CSMD1: variants seen among roughly 807,000 people sequenced by gnomAD.
CSMD1 encodes the protein CUB and Sushi multiple domains 1, also known as CUB and sushi domain-containing protein 1.
CSMD1 carries 213 observed loss-of-function variants against 417.5 expected under a neutral mutation model. The observed-to-expected ratio is 0.51, with a 90% confidence interval of 0.46 to 0.57. The LOEUF is 0.57. Ranked by LOEUF, CSMD1 falls within the 20% of genes least tolerant of loss-of-function variation. The pLI is 0.00. For missense variants in CSMD1, 6,923 were observed against 4,529.7 expected (o/e 1.53, Z -15.17); for synonymous variants, 2,862 against 1,736.8 (o/e 1.65, Z -16.11).
At chr8:3,229,521 A>G (rs1201609692) in intron 27 of CSMD1, among the ~76,000 whole-genome samples, 1 of 152,238 alleles carries the variant, frequency 6.6e-6, no homozygotes, top group Non-Finnish European at 1.5e-5. Flanking sequence ...AGGTCAAACT[A>G]TAAAATGTCA....
chr8:4,185,216 C>T (rs559482799), intron 3 of CSMD1, among the ~76,000 whole-genome samples: 1 of 150,916 alleles, frequency 6.6e-6, no homozygotes, highest in East Asian at 1.9e-4. Context: ...TGAGTACAGG[C>T]TGGGAACCTG....
At chr8:3,141,348 T>C (rs1002401349) in intron 41 of CSMD1, among the ~76,000 whole-genome samples, 1 of 152,226 alleles carries the variant, frequency 6.6e-6, no homozygotes, top group Non-Finnish European at 1.5e-5. Context: ...GCTGTCCTTG[T>C]TCATTCCTGG....
chr8:4,073,826 G>C (rs957514896), intron 3 of CSMD1, among the ~76,000 whole-genome samples: 1 of 151,978 alleles, frequency 6.6e-6, no homozygotes, highest in Non-Finnish European at 1.5e-5. Flanking sequence ...GTTGAAAATT[G>C]CTTTGTTAAT....
intron 2 of CSMD1, among the ~76,000 whole-genome samples, chr8:4,547,382 T>C (rs1797684464): frequency 6.6e-6 from 1 of 152,252 alleles, no homozygotes; most frequent in Non-Finnish European, 1.5e-5. Flanking sequence ...AAATATTACT[T>C]TCTTCTTTTA....
Position 4,760,413 on chromosome 8 carries a change from T to C in CSMD1, c.86-122855A>G, listed in dbSNP as rs377073262. On this transcript the variant is annotated intron_variant, in intron 1 of 69. Transcript: ENST00000635120. ...TTAAAATTCTCAGCTGACTTTATGA[T>C]ACCTTTGTGGCTAGAAGAGTCCATG... Among the ~76,000 whole-genome samples, 15 of 152,296 alleles carry C rather than the reference T, an allele frequency of 9.8e-5. No individual in the cohort carries two copies. In the South Asian group the frequency reaches 2.5e-3, roughly 25 times the overall value.
chr8:3,872,155 C>T (rs768649072), intron 5 of CSMD1, among the ~76,000 whole-genome samples: 57 of 152,052 alleles, frequency 3.7e-4, no homozygotes, highest in Admixed American at 3.5e-3. Flanking sequence ...TGTTTTAACC[C>T]GTGTTTGGAT....
chr8:3,109,405 G>A (rs1204063420), intron 43 of CSMD1, among the ~76,000 whole-genome samples: 1 of 152,154 alleles, frequency 6.6e-6, no homozygotes, highest in African/African-American at 2.4e-5. Flanking sequence ...GTTTCATTGT[G>A]GTCAACCTAA....
intron 3 of CSMD1, among the ~76,000 whole-genome samples, chr8:4,240,750 C>T (rs1802350415): frequency 6.6e-6 from 1 of 151,852 alleles, no homozygotes; most frequent in African/African-American, 2.4e-5. Flanking sequence ...TTTTCTGTGC[C>T]CTTTGAATTT....
chr8:3,159,642 G>A (rs188549171), intron 38 of CSMD1, among the ~76,000 whole-genome samples: 2 of 151,818 alleles, frequency 1.3e-5, no homozygotes, highest in East Asian at 3.9e-4. Context: ...ATCCTTTTTT[G>A]CTCATGTGAA....
chr8:3,539,328 C>G (rs1379038841), intron 10 of CSMD1, among the ~76,000 whole-genome samples: 5 of 152,188 alleles, frequency 3.3e-5, no homozygotes, highest in Non-Finnish European at 7.3e-5. Context: ...AATCCCAGCT[C>G]TTTCTCTACT....
At chr8:4,471,481 C>G (rs533252462) in intron 2 of CSMD1, among the ~76,000 whole-genome samples, 24 of 152,174 alleles carry the variant, frequency 1.6e-4, no homozygotes, top group African/African-American at 5.5e-4. Context: ...ATGCATGTGC[C>G]TAACAAAACA....
intron 6 of CSMD1, among the ~76,000 whole-genome samples, chr8:3,713,381 G>C (rs34217294): frequency 0.33 from 49,957 of 151,868 alleles, 8,356 homozygotes; most frequent in East Asian, 0.49. Flanking sequence ...AATGTAAGAA[G>C]TGAATACAAC....
chr8:3,513,637 C>T (rs1000429107), intron 10 of CSMD1, among the ~76,000 whole-genome samples: 5 of 152,154 alleles, frequency 3.3e-5, no homozygotes, highest in Non-Finnish European at 7.3e-5. Context: ...GCTCTGCCAC[C>T]ATCATCTAAG....
chr8:3,781,761 C>G (rs557729552), intron 5 of CSMD1, among the ~76,000 whole-genome samples: 3 of 152,156 alleles, frequency 2.0e-5, no homozygotes, highest in African/African-American at 7.2e-5. Context: ...ATAGAGACAA[C>G]AGAGGGCTTA....
chr8:4,174,605 T>C (rs567695706), intron 3 of CSMD1, among the ~76,000 whole-genome samples: 2 of 149,700 alleles, frequency 1.3e-5, no homozygotes, highest in Non-Finnish European at 1.5e-5. Context: ...CTGAAGCCTC[T>C]TTTATAATAA....
intron 7 of CSMD1, 68 bp from the exon 8 acceptor site, chr8:3,616,865 A>C (rs115334710): frequency 1.1e-5 from 12 of 1,091,598 alleles, no homozygotes; most frequent in Non-Finnish European, 1.6e-5. Context: ...TAAAAAATTT[A>C]TTCTAGGCAT....
chr8:3,647,886 G>C (rs78943156), intron 7 of CSMD1, among the ~76,000 whole-genome samples: 3,105 of 152,326 alleles, frequency 0.02, 111 homozygotes, highest in African/African-American at 0.071. Context: ...TTCTGTGTAA[G>C]TTTGGAATTA....
At chr8:3,717,402 T>C (rs779038301) in intron 6 of CSMD1, among the ~76,000 whole-genome samples, 23 of 147,510 alleles carry the variant, frequency 1.6e-4, no homozygotes, top group Non-Finnish European at 2.4e-4. Context: ...CAGTATTAAT[T>C]TTGTTTTTCT....
chr8:3,814,603 G>A (rs1222423172), intron 5 of CSMD1, among the ~76,000 whole-genome samples: 3 of 152,164 alleles, frequency 2.0e-5, no homozygotes, highest in African/African-American at 4.8e-5. Context: ...GGTGCTGCTG[G>A]ACATCCCACA....
Sources: gnomAD v4.1 joint callset for allele counts (sites outside exome capture counted in the v4.1 genomes callset) on GRCh38, gnomAD v4.1.1 for gene constraint, MANE v1.5 for transcripts, NCBI Gene and HGNC (gene_info 2026-07-23, HGNC 2026-07-21) for gene names.